FRMD6: variants seen among roughly 807,000 people sequenced by gnomAD.
FRMD6 encodes the protein FERM domain containing 6, also known as FERM domain-containing protein 6.
In FRMD6, 37 loss-of-function variants were observed where a neutral mutation model predicts 73.2. That is an observed-to-expected ratio of 0.51 (90% confidence interval 0.39 to 0.66). The LOEUF is 0.66. Among genes scored for constraint, FRMD6 ranks in the 30% least tolerant of loss-of-function variants. The pLI is 0.00. For synonymous variants in FRMD6, 273 were observed against 282.2 expected, an observed-to-expected ratio of 0.97 and a Z score of 0.33; for missense variants, 714 against 780.5, an observed-to-expected ratio of 0.91 and a Z score of 1.02.
chr14:51,466,690 T>A, the FRMD6 span, among the ~76,000 whole-genome samples: 1 of 152,360 alleles, frequency 6.6e-6, no homozygotes, highest in East Asian at 1.9e-4. Flanking sequence ...TACTCCAACT[T>A]TGTCCTCTTC....
At chr14:51,697,099 G>GT (rs1353362166) in intron 2 of FRMD6, among the ~76,000 whole-genome samples, 1 of 152,172 alleles carries the variant, frequency 6.6e-6, no homozygotes, top group Non-Finnish European at 1.5e-5. Context: ...ATGGAAAGCA[G>GT]TATGGGGGTT....
chr14:51,705,000 T>C (rs541249459), intron 6 of FRMD6, 65 bp downstream of exon 6: 2 of 1,397,068 alleles, frequency 1.4e-6, no homozygotes, highest in East Asian at 4.7e-5. Flanking sequence ...GTAGTGTTGC[T>C]ACTCATACTC....
rs6572782 is a variant in FRMD6 at position 51,622,346 on chromosome 14, G to A, written c.-147+51936G>A. 3.3e-5 allele frequency among the ~76,000 whole-genome samples: 5 copies of A among 152,012 alleles called. No homozygotes were observed. In the East Asian group the frequency reaches 9.7e-4, roughly 29 times the overall value. On this transcript the variant is annotated intron_variant, in intron 2 of 14. Coordinates refer to the FRMD6 transcript ENST00000356218. The stretch of plus-strand genomic sequence containing the variant: ...CTAATTTTGCATATATAATTTGCAC[G>A]AACAGGGTGCAAATCAGGCTATTTC...
chr14:51,524,856 T>A (rs1487071969), intron 1 of FRMD6, among the ~76,000 whole-genome samples: 1 of 152,112 alleles, frequency 6.6e-6, no homozygotes, highest in Non-Finnish European at 1.5e-5. Context: ...TTTATCCAAT[T>A]AGGTACAGTT....
intron 2 of FRMD6, among the ~76,000 whole-genome samples, chr14:51,580,515 A>G (rs1888662288): frequency 6.6e-6 from 1 of 152,214 alleles, no homozygotes; most frequent in African/African-American, 2.4e-5. Context: ...AATAGTTTGC[A>G]CAAGATCACA....
chr14:51,441,278 C>A, the FRMD6 span, among the ~76,000 whole-genome samples: 1 of 152,194 alleles, frequency 6.6e-6, no homozygotes, highest in Non-Finnish European at 1.5e-5. Flanking sequence ...TCGGGCCCTG[C>A]CCACAGTTCC....
chr14:51,641,619 A>C (rs1000950547), intron 2 of FRMD6, among the ~76,000 whole-genome samples: 2 of 152,074 alleles, frequency 1.3e-5, no homozygotes, highest in Non-Finnish European at 2.9e-5. Context: ...ATGATCCTTC[A>C]CCTCCAGCAA....
At chr14:51,620,374 G>A (rs762209944) in intron 2 of FRMD6, among the ~76,000 whole-genome samples, 2 of 152,030 alleles carry the variant, frequency 1.3e-5, no homozygotes, top group Non-Finnish European at 2.9e-5. Flanking sequence ...AAAAGATTCC[G>A]CAAAACCACA....
In FRMD6 at chr14:51,676,083, GT is replaced by G. The variant is rs554912114; in HGVS notation, c.-146-13602del. On this transcript the variant is annotated intron_variant, in intron 1 of 13. Coordinates refer to ENST00000344768, the MANE Select transcript of FRMD6 (RefSeq NM_001267046.2). The stretch of plus-strand genomic sequence containing the variant: ...AAAAGATACTAGATTAAGCTAAATT[GT>G]TTTTTACCCATGGGAGTTTTGGAAT... 2.6e-3 allele frequency among the ~76,000 whole-genome samples: 397 copies of G among 152,076 alleles called. 4 individuals are homozygous for G. The highest frequency in any genetic ancestry group is 0.02 in the Middle Eastern group (6 of 294).
At chr14:51,585,728 G>A (rs1203032470) in intron 2 of FRMD6, among the ~76,000 whole-genome samples, 1 of 151,024 alleles carries the variant, frequency 6.6e-6, no homozygotes, top group Non-Finnish European at 1.5e-5. Flanking sequence ...ACCTTTCATA[G>A]TCTCCAATGT....
chr14:51,407,045 T>A, the FRMD6 span, among the ~76,000 whole-genome samples: 1 of 152,176 alleles, frequency 6.6e-6, no homozygotes, highest in Admixed American at 6.5e-5. Flanking sequence ...TGGATAGTTA[T>A]ATTAACTGCA....
chr14:51,648,578 T>C (rs1334317629), upstream of FRMD6, among the ~76,000 whole-genome samples: 1 of 152,234 alleles, frequency 6.6e-6, no homozygotes, highest in African/African-American at 2.4e-5. Context: ...TCAGGCAAAC[T>C]TCTGTTTATC....
At chr14:51,601,799 C>G (rs1890049239) in intron 2 of FRMD6, among the ~76,000 whole-genome samples, 1 of 152,214 alleles carries the variant, frequency 6.6e-6, no homozygotes, top group Admixed American at 6.5e-5. Flanking sequence ...GGCTTGGTAA[C>G]ATTGAGCAAT....
intron 2 of FRMD6, among the ~76,000 whole-genome samples, chr14:51,594,575 C>T (rs971471678): frequency 2.6e-5 from 4 of 151,786 alleles, no homozygotes; most frequent in East Asian, 1.9e-4. Context: ...GTGATCCACC[C>T]GCCTCGGCCT....
intron 1 of FRMD6, chr14:51,547,898 A>AC (rs1886567727): frequency 6.6e-6 from 1 of 152,042 alleles, no homozygotes; most frequent in Admixed American, 6.6e-5. Flanking sequence ...AAAAAAAAAA[A>AC]AAAACTATCT....
At chr14:51,612,238 T>C (rs895145279) in intron 2 of FRMD6, among the ~76,000 whole-genome samples, 3 of 152,226 alleles carry the variant, frequency 2.0e-5, no homozygotes, top group African/African-American at 7.2e-5. Context: ...AATTTAAATC[T>C]CTCCATTTAG....
At chr14:51,427,359 T>C in the FRMD6 span, among the ~76,000 whole-genome samples, 1 of 152,216 alleles carries the variant, frequency 6.6e-6, no homozygotes, top group Non-Finnish European at 1.5e-5. Flanking sequence ...ACCGTGCATA[T>C]GGGTCCAAAA....
At chr14:51,488,651 T>C (rs138674696), upstream of FRMD6, among the ~76,000 whole-genome samples, 118 of 152,340 alleles carry the variant, frequency 7.7e-4, 1 homozygote, top group African/African-American at 2.6e-3. Context: ...GGAACTCTAA[T>C]TGCACATCTC....
At chr14:51,652,442 C>T (rs1892486729) in intron 1 of FRMD6, among the ~76,000 whole-genome samples, 1 of 152,212 alleles carries the variant, frequency 6.6e-6, no homozygotes, top group African/African-American at 2.4e-5. Context: ...CCTGGCGGGC[C>T]CCGGCACCCA....
Sources: gnomAD v4.1 joint callset for allele counts (sites outside exome capture counted in the v4.1 genomes callset) on GRCh38, gnomAD v4.1.1 for gene constraint, MANE v1.5 for transcripts, NCBI Gene and HGNC (gene_info 2026-07-23, HGNC 2026-07-21) for gene names.